GRIK3: variants seen among roughly 807,000 people sequenced by gnomAD.
GRIK3 encodes the protein glutamate receptor ionotropic, kainate 3.
In GRIK3, 29 loss-of-function variants were observed where a neutral mutation model predicts 102.5. That is an observed-to-expected ratio of 0.28 (90% CI 0.21 to 0.39). The LOEUF is 0.39. Among genes scored for constraint, GRIK3 ranks in the 10% least tolerant of loss-of-function variants. The pLI, the probability that GRIK3 is intolerant of heterozygous loss-of-function variation, is 1.00. For synonymous variants in GRIK3, 511 were observed against 504.9 expected, an observed-to-expected ratio of 1.01 and a Z score of -0.16; for missense variants, 908 against 1,252.4, an observed-to-expected ratio of 0.73 and a Z score of 4.15.
intron 1 of GRIK3, among the ~76,000 whole-genome samples, chr1:36,982,445 T>C (rs1466457874): frequency 6.6e-6 from 1 of 152,230 alleles, no homozygotes; most frequent in Non-Finnish European, 1.5e-5. Flanking sequence ...GCGTCCTTGC[T>C]ACTTAATGTG....
At chr1:36,802,072 G>C in intron 15 of GRIK3, 27 bp from the exon 16 acceptor site, 1 of 1,553,110 alleles carries the variant, frequency 6.4e-7, no homozygotes, top group Non-Finnish European at 8.8e-7. Context: ...GAGAGGGGTC[G>C]GAAAAGGGGC....
At chr1:36,889,454 A>G (rs1325850474) in intron 2 of GRIK3, among the ~76,000 whole-genome samples, 1 of 152,074 alleles carries the variant, frequency 6.6e-6, no homozygotes, top group African/African-American at 2.4e-5. Context: ...AAAGGCCCTC[A>G]TGGGCTCTAA....
intron 9 of GRIK3, chr1:36,849,798 G>A (rs550031432): frequency 1.9e-5 from 3 of 155,542 alleles, no homozygotes; most frequent in African/African-American, 7.2e-5. Flanking sequence ...ATTCAGTTGG[G>A]GAATAGAGAG....
intron 2 of GRIK3, among the ~76,000 whole-genome samples, chr1:36,886,929 T>C (rs1325614858): frequency 6.6e-6 from 1 of 152,250 alleles, no homozygotes; most frequent in Non-Finnish European, 1.5e-5. Context: ...GGAGAAAGTT[T>C]ATTCTTTTTT....
intron 4 of GRIK3, among the ~76,000 whole-genome samples, chr1:36,871,904 G>A (rs1449281357): frequency 6.6e-6 from 1 of 152,194 alleles, no homozygotes; most frequent in Non-Finnish European, 1.5e-5. Flanking sequence ...CACAGAGGTG[G>A]GATGGAAACT....
intron 1 of GRIK3, among the ~76,000 whole-genome samples, chr1:37,015,977 C>T (rs931199163): frequency 6.6e-6 from 1 of 152,258 alleles, no homozygotes; most frequent in Non-Finnish European, 1.5e-5. Context: ...GGAGCCACAG[C>T]AGATTTCCTG....
rs1640577907 is a variant in GRIK3, at chr1:36,850,949, A to G, written c.1213-525T>C. Among the ~76,000 whole-genome samples the G allele has an allele frequency of 6.6e-6, 1 of 152,236 alleles. No individual in the cohort carries two copies. Among genetic ancestry groups the G allele is most frequent in the South Asian group, 2.1e-4 (1 of 4,832 alleles). The stretch of plus-strand genomic sequence containing the variant: ...TGGCAGACACACAGACTAAGGTAGA[A>G]TAATCTCTCTCTCTACAGCGTCCTT... On this transcript the variant is annotated intron_variant, in intron 8 of 15. Transcript: ENST00000373091. The surrounding 1 kb of genome is among the most constrained non-coding windows in gnomAD (Gnocchi z 4.0).
chr1:36,946,217 C>T (rs964491671), intron 1 of GRIK3, among the ~76,000 whole-genome samples: 1 of 152,236 alleles, frequency 6.6e-6, no homozygotes, highest in Non-Finnish European at 1.5e-5. Flanking sequence ...ACACCTGGAG[C>T]CTGGGGCTGG....
intron 1 of GRIK3, among the ~76,000 whole-genome samples, chr1:36,985,488 G>T (rs1642294903): frequency 6.6e-6 from 1 of 152,186 alleles, no homozygotes; most frequent in African/African-American, 2.4e-5. Context: ...TGGAGTGGGG[G>T]CTGCAAGAGC....
chr1:37,030,834 T>C (rs1642819429), intron 1 of GRIK3, among the ~76,000 whole-genome samples: 2 of 152,004 alleles, frequency 1.3e-5, no homozygotes, highest in Admixed American at 6.6e-5. Flanking sequence ...CCACAGAACA[T>C]ACCAACCATT....
intron 1 of GRIK3, among the ~76,000 whole-genome samples, chr1:36,973,586 A>ATT (rs35781786): frequency 0.17 from 23,719 of 141,454 alleles, 3,243 homozygotes; most frequent in African/African-American, 0.39. Flanking sequence ...CGCCCGGCTA[A>ATT]TTTTTTTTTT....
At chr1:36,903,327 T>A (rs575397218) in intron 1 of GRIK3, among the ~76,000 whole-genome samples, 1 of 152,338 alleles carries the variant, frequency 6.6e-6, no homozygotes, top group Middle Eastern at 3.4e-3. Context: ...CACCAAAGTC[T>A]GGCAAGGATG....
At chr1:36,938,236 G>T (rs370948899) in intron 1 of GRIK3, among the ~76,000 whole-genome samples, 19 of 152,168 alleles carry the variant, frequency 1.2e-4, no homozygotes, top group African/African-American at 4.6e-4. Flanking sequence ...CCATACCCTG[G>T]GTCCACTGCA....
At chr1:36,968,233 G>GTC (rs1642101276) in intron 1 of GRIK3, among the ~76,000 whole-genome samples, 2 of 122,616 alleles carry the variant, frequency 1.6e-5, no homozygotes, top group Non-Finnish European at 3.0e-5. Context: ...GTGTGTGTGT[G>GTC]TGTGTGTGTG....
chr1:36,961,173 A>C (rs1642004702), intron 1 of GRIK3, among the ~76,000 whole-genome samples: 1 of 152,168 alleles, frequency 6.6e-6, no homozygotes, highest in South Asian at 2.1e-4. Context: ...CTGCGTGCAC[A>C]CACGTGCCCA....
rs1243883845 is a variant in GRIK3 at position 36,850,211 on chromosome 1, C to T, written c.1326+100G>A. ...AAAAGTCTCCACCTACCTGCAGCCTCCATCTTCTGGGTGGGGGGGATAGAG... is the reference window on the plus strand; with the variant it reads ...AAAAGTCTCCACCTACCTGCAGCCTTCATCTTCTGGGTGGGGGGGATAGAG... On this transcript the variant is annotated intron_variant, in intron 9 of 15. Transcript: ENST00000373091. The surrounding 1 kb of genome is among the most constrained non-coding windows in gnomAD (Gnocchi z 4.0). 3 of 747,056 alleles carry T rather than the reference C, an allele frequency of 4.0e-6. No individual in the cohort carries two copies. Among genetic ancestry groups the T allele is most frequent in the Non-Finnish European group, 7.2e-6 (3 of 417,106 alleles). The allele number at this position is 747,056 out of a possible 1,614,324, so 46.3% of individuals were successfully genotyped here.
rs543019940 is a variant in GRIK3, at chr1:36,850,968, C to T, written c.1213-544G>A. ...GGTAGAATAATCTCTCTCTCTACAG[C>T]GTCCTTGTGGATATCGGGCCTGAGG... On this transcript the variant is annotated intron_variant, in intron 8 of 15. Transcript: ENST00000373091. The surrounding 1 kb of genome is among the most constrained non-coding windows in gnomAD (Gnocchi z 4.0). Among the ~76,000 whole-genome samples, 21 of 152,324 alleles carry T rather than the reference C, an allele frequency of 1.4e-4. No individual in the cohort carries two copies. The South Asian group carries it at 2.7e-3, about 20-fold the overall frequency.
chr1:37,021,090 A>AGG (rs1642706233), intron 1 of GRIK3, among the ~76,000 whole-genome samples: 5 of 112,938 alleles, frequency 4.4e-5, no homozygotes, highest in Middle Eastern at 4.3e-3. Flanking sequence ...TCAAATTTGC[A>AGG]AGTGTGTGTG....
At chr1:36,957,367 G>A (rs1303193929) in intron 1 of GRIK3, among the ~76,000 whole-genome samples, 1 of 142,432 alleles carries the variant, frequency 7.0e-6, no homozygotes, top group Non-Finnish European at 1.5e-5. Flanking sequence ...CCCTGAGTCT[G>A]TGCCCTGTGA....
Sources: gnomAD v4.1 joint callset for allele counts (sites outside exome capture counted in the v4.1 genomes callset) on GRCh38, gnomAD v4.1.1 for gene constraint, Gnocchi (gnomAD v3.1) non-coding constraint, MANE v1.5 for transcripts, NCBI Gene and HGNC (gene_info 2026-07-23, HGNC 2026-07-21) for gene names.